The following MAPRE2 variants were observed in gnomAD, a reference collection of about 807,000 sequenced individuals.
The protein encoded by MAPRE2 is microtubule associated protein RP/EB family member 2, also known as microtubule-associated protein RP/EB family member 2.
Under a neutral mutation model 43.2 loss-of-function variants are expected in MAPRE2, and 13 were observed. The observed-to-expected ratio is 0.30, with a 90% CI of 0.20 to 0.48. The LOEUF (loss-of-function observed/expected upper bound fraction) is 0.48. Among genes scored for constraint, MAPRE2 ranks in the 20% least tolerant of loss-of-function variants. The pLI is 0.99. For missense variants in MAPRE2, 161 were observed against 400.2 expected (o/e 0.40, Z 5.10); for synonymous variants, 135 against 148.8 (o/e 0.91, Z 0.68).
rs188507626 is a variant in MAPRE2, at chr18:35,000,707, G to A, written c.-69-4785G>A. Among the ~76,000 whole-genome samples, 7 of 152,268 alleles carry A rather than the reference G, an allele frequency of 4.6e-5. No homozygotes were observed. The East Asian group carries it at 5.8e-4, about 13-fold the overall frequency. ...AAAACAAAACCAACAAACAAGCAGA[G>A]CCATAAGCCAGAGAAAGCAGCTGGC... On this transcript the variant is annotated intron_variant, in intron 1 of 7. Transcript: ENST00000413393.
At chr18:35,010,644 T>C (rs998317999) in intron 2 of MAPRE2, among the ~76,000 whole-genome samples, 1 of 152,260 alleles carries the variant, frequency 6.6e-6, no homozygotes, top group South Asian at 2.1e-4. Flanking sequence ...GGTACATTTA[T>C]AAACTGTGGT....
chr18:34,978,717 G>A lies in MAPRE2; in HGVS notation c.-70+1638G>A, dbSNP rs189914101. Reference sequence around the variant, plus strand: ...CCAAACTGATTAAAGACATCAGTTAGGGGTAAGATAAGAGGTCCGGGAGCT... The same window carrying A: ...CCAAACTGATTAAAGACATCAGTTAAGGGTAAGATAAGAGGTCCGGGAGCT... On this transcript the variant is annotated intron_variant, in intron 1 of 7. Coordinates refer to the MAPRE2 transcript ENST00000413393. Among the ~76,000 whole-genome samples the A allele has an allele frequency of 1.7e-3, 258 of 152,286 alleles. 4 individuals are homozygous for A. Among genetic ancestry groups the A allele is most frequent in the African/African-American group, 5.6e-3 (232 of 41,552 alleles).
chr18:34,998,771 A>G (rs1322107488), intron 1 of MAPRE2, among the ~76,000 whole-genome samples: 3 of 111,220 alleles, frequency 2.7e-5, no homozygotes, highest in South Asian at 5.9e-4. Flanking sequence ...CCGAAGTTGC[A>G]ATTTTTTTTT....
chr18:34,982,129 C>A (rs1322329143), intron 1 of MAPRE2, among the ~76,000 whole-genome samples: 6 of 152,000 alleles, frequency 3.9e-5, no homozygotes, highest in Non-Finnish European at 7.4e-5. Context: ...GTAATCCGCC[C>A]ACCTCGGCCT....
chr18:35,039,937 C>T (rs1013522833), upstream of MAPRE2, among the ~76,000 whole-genome samples: 5 of 152,172 alleles, frequency 3.3e-5, no homozygotes, highest in Admixed American at 6.5e-5. Context: ...CCTGGCTGGG[C>T]GTGGTGGCTC....
intron 1 of MAPRE2, among the ~76,000 whole-genome samples, chr18:35,063,331 T>C (rs1906648640): frequency 1.3e-5 from 2 of 151,948 alleles, no homozygotes; most frequent in African/African-American, 4.8e-5. Context: ...ATGGTCTTGA[T>C]CTCCTGACCT....
At chr18:35,041,881 T>G in intron 1 of MAPRE2, 1 of 1,119,794 alleles carries the variant, frequency 8.9e-7, no homozygotes. Flanking sequence ...ATAGGTTTGC[T>G]GCCTTCGAGG....
At chr18:35,075,160 T>C (rs1907287653) in intron 2 of MAPRE2, among the ~76,000 whole-genome samples, 1 of 152,184 alleles carries the variant, frequency 6.6e-6, no homozygotes, top group Admixed American at 6.5e-5. Flanking sequence ...GTGATGGCTA[T>C]GTGGAAGGAG....
chr18:35,006,007 G>A (rs575505833), intron 2 of MAPRE2, among the ~76,000 whole-genome samples: 3 of 152,294 alleles, frequency 2.0e-5, no homozygotes, highest in South Asian at 2.1e-4. Context: ...CAGAGATGAC[G>A]AACCTGGAAA....
At chr18:35,092,813 A>G (rs1011080392) in intron 2 of MAPRE2, among the ~76,000 whole-genome samples, 6 of 152,234 alleles carry the variant, frequency 3.9e-5, no homozygotes, top group Admixed American at 2.6e-4. Flanking sequence ...AAGAAAACAT[A>G]CAAATGGCCA....
rs550870996 is a variant in MAPRE2 at position 35,062,473 on chromosome 18, G to A, written c.123-7722G>A. ...TCTAAGTAAAAAGCCTTCTTTACAA[G>A]CGCATTTGAAATAATGCACCTCACT... On this transcript the variant is annotated intron_variant, in intron 1 of 6. Transcript: ENST00000300249. Among the ~76,000 whole-genome samples the A allele has an allele frequency of 6.6e-5, 10 of 152,278 alleles. No homozygotes were observed. The East Asian group carries it at 1.5e-3, about 23-fold the overall frequency.
intron 3 of MAPRE2, 95 bp downstream of exon 3, chr18:35,097,686 ATCTT>A: frequency 1.9e-6 from 2 of 1,058,484 alleles, no homozygotes; most frequent in Non-Finnish European, 2.7e-6. Flanking sequence ...AATGGGATAT[ATCTT>A]GATATCCCAA....
intron 2 of MAPRE2, among the ~76,000 whole-genome samples, chr18:35,086,855 G>A (rs893473072): frequency 3.3e-5 from 5 of 152,024 alleles, no homozygotes; most frequent in African/African-American, 1.2e-4. Context: ...ATATGAAAAC[G>A]CTAACAGATT....
At chr18:35,069,313 A>G (rs975180950) in intron 1 of MAPRE2, among the ~76,000 whole-genome samples, 18 of 152,256 alleles carry the variant, frequency 1.2e-4, no homozygotes, top group Admixed American at 2.6e-4. Context: ...TTAAATTTGT[A>G]TTATAATATA....
intron 2 of MAPRE2, among the ~76,000 whole-genome samples, chr18:35,071,127 A>G (rs956540236): frequency 1.3e-5 from 2 of 152,190 alleles, no homozygotes; most frequent in African/African-American, 4.8e-5. Flanking sequence ...TCTACTTGGT[A>G]TGAGGTAGGT....
intron 1 of MAPRE2, chr18:35,005,470 T>A: frequency 4.8e-6 from 7 of 1,469,710 alleles, no homozygotes; most frequent in Non-Finnish European, 6.5e-6. Flanking sequence ...ACTCTTTTTT[T>A]CTTCCATTTT....
intron 1 of MAPRE2, among the ~76,000 whole-genome samples, chr18:35,045,650 G>T (rs116134967): frequency 6.6e-6 from 1 of 152,140 alleles, no homozygotes; most frequent in Non-Finnish European, 1.5e-5. Flanking sequence ...TTGTGAAAGT[G>T]TGTTCCATTC....
At chr18:34,985,745 T>C (rs141981035) in intron 1 of MAPRE2, among the ~76,000 whole-genome samples, 105 of 125,318 alleles carry the variant, frequency 8.4e-4, no homozygotes, top group Admixed American at 2.1e-3. Flanking sequence ...ATATATATTA[T>C]ATATGTAATA....
Position 35,140,384 on chromosome 18 carries a change from T to C in MAPRE2, c.*15T>C, listed in dbSNP as rs774775355. On this transcript the variant is annotated 3_prime_UTR_variant, in exon 7 of 7. Transcript: ENST00000300249. Reference sequence around the variant, plus strand: ...AAGAGTACTGACCCACCCCGGCTGCTCTTGACACTTCCATTGTGTGTGGGA... The same window carrying C: ...AAGAGTACTGACCCACCCCGGCTGCCCTTGACACTTCCATTGTGTGTGGGA... The C allele has an allele frequency of 6.2e-7, 1 of 1,600,858 alleles. No individual in the cohort carries two copies. Among genetic ancestry groups the C allele is most frequent in the Non-Finnish European group, 8.5e-7 (1 of 1,173,488 alleles).
Sources: allele counts gnomAD v4.1 joint callset (sites outside exome capture counted in the v4.1 genomes callset), GRCh38; gene constraint gnomAD v4.1.1; transcripts MANE v1.5; gene names NCBI Gene and HGNC (gene_info 2026-07-23, HGNC 2026-07-21).